Variants in ADAMTS19 observed in about 807,000 individuals in gnomAD.
The protein encoded by ADAMTS19 is ADAM metallopeptidase with thrombospondin type 1 motif 19.
In ADAMTS19, 93 loss-of-function variants were observed where a neutral mutation model predicts 153.3. The observed-to-expected ratio is 0.61, with a 90% CI of 0.51 to 0.72. The LOEUF is 0.72. ADAMTS19 is among the 30% of genes least tolerant of loss of function. The pLI, the probability that ADAMTS19 is intolerant of heterozygous loss-of-function variation, is 0.00. For synonymous variants in ADAMTS19, 600 were observed against 556.6 expected (o/e 1.08, Z -1.10); for missense variants, 1,482 against 1,552.1 (o/e 0.95, Z 0.76).
intron 7 of ADAMTS19, among the ~76,000 whole-genome samples, chr5:129,574,870 T>C (rs1396588989): frequency 6.9e-6 from 1 of 144,692 alleles, no homozygotes; most frequent in Non-Finnish European, 1.5e-5. Context: ...AAAAAAAAAA[T>C]TAACGTGTTT....
At chr5:129,592,863 G>C (rs988668290) in intron 7 of ADAMTS19, among the ~76,000 whole-genome samples, 4 of 152,038 alleles carry the variant, frequency 2.6e-5, no homozygotes, top group African/African-American at 4.8e-5. Context: ...TTGTTCATAT[G>C]AATATATGAT....
chr5:129,711,140 C>G (rs996497896), intron 21 of ADAMTS19, among the ~76,000 whole-genome samples: 2 of 152,118 alleles, frequency 1.3e-5, no homozygotes, highest in Non-Finnish European at 2.9e-5. Flanking sequence ...GAGGGAAACT[C>G]AATCCCTTGT....
intron 3 of ADAMTS19, among the ~76,000 whole-genome samples, chr5:129,522,008 G>A (rs150582222): frequency 1.3e-5 from 2 of 152,060 alleles, no homozygotes; most frequent in African/African-American, 4.8e-5. Flanking sequence ...TATCTAAGTA[G>A]AAGGAGGTGT....
chr5:129,672,646 C>T (rs752346357), intron 16 of ADAMTS19, among the ~76,000 whole-genome samples: 10 of 152,122 alleles, frequency 6.6e-5, no homozygotes, highest in Non-Finnish European at 1.0e-4. Context: ...TCTATATTAA[C>T]CTTAGTACTA....
chr5:129,631,901 T>G (rs2127002079), intron 10 of ADAMTS19, among the ~76,000 whole-genome samples: 1 of 152,192 alleles, frequency 6.6e-6, no homozygotes, highest in South Asian at 2.1e-4. Context: ...TTTAACTCTT[T>G]ATTTCCCTCT....
intron 2 of ADAMTS19, among the ~76,000 whole-genome samples, chr5:129,481,697 GT>G: frequency 6.6e-6 from 1 of 152,094 alleles, no homozygotes. Flanking sequence ...TTAAAGGATT[GT>G]TTTGTAAAAT....
chr5:129,600,389 T>A (rs2126928357), intron 8 of ADAMTS19, among the ~76,000 whole-genome samples: 1 of 152,292 alleles, frequency 6.6e-6, no homozygotes, highest in Admixed American at 6.5e-5. Flanking sequence ...AATAACGAAC[T>A]ATGATACCAT....
chr5:129,647,906 A>T lies in ADAMTS19; in HGVS notation c.2003+11A>T. The T allele has an allele frequency of 6.2e-7, 1 of 1,607,396 alleles. No individual in the cohort carries two copies. The highest frequency in any genetic ancestry group is 8.5e-7 in the Non-Finnish European group (1 of 1,175,410). On this transcript the variant is annotated intron_variant, in intron 12 of 22. Transcript: ENST00000274487. ...GCGCAAATGTCCTGGGTAAACTCAAAGTTCCTGGTTGGGGGAGGGCACTTT... is the reference window on the plus strand; with the variant it reads ...GCGCAAATGTCCTGGGTAAACTCAATGTTCCTGGTTGGGGGAGGGCACTTT...
chr5:129,724,811 A>G (rs931587843), intron 21 of ADAMTS19, among the ~76,000 whole-genome samples: 6 of 152,140 alleles, frequency 3.9e-5, no homozygotes, highest in African/African-American at 1.4e-4. Context: ...GTTTGTTTGC[A>G]TAGCACAGGA....
chr5:129,588,141 T>C (rs1357684320), intron 7 of ADAMTS19, among the ~76,000 whole-genome samples: 1 of 152,162 alleles, frequency 6.6e-6, no homozygotes, highest in Non-Finnish European at 1.5e-5. Context: ...TGGATACGTT[T>C]ACTTCTACAA....
intron 21 of ADAMTS19, among the ~76,000 whole-genome samples, chr5:129,725,851 T>A (rs1054068190): frequency 4.6e-5 from 7 of 152,090 alleles, no homozygotes; most frequent in Non-Finnish European, 1.0e-4. Context: ...TTGGGGGACT[T>A]AGAATTTTAT....
At chr5:129,627,164 T>C (rs528358609) in intron 10 of ADAMTS19, among the ~76,000 whole-genome samples, 1 of 152,140 alleles carries the variant, frequency 6.6e-6, no homozygotes, top group Admixed American at 6.6e-5. Flanking sequence ...TGATACTAAA[T>C]AACAATTGCA....
chr5:129,585,681 G>A (rs1749746385), intron 7 of ADAMTS19, among the ~76,000 whole-genome samples: 1 of 152,050 alleles, frequency 6.6e-6, no homozygotes, highest in Non-Finnish European at 1.5e-5. Context: ...CTTTCTGTCT[G>A]AAGAAACAGT....
At chr5:129,533,102 CA>C (rs541197885) in intron 6 of ADAMTS19, among the ~76,000 whole-genome samples, 83 of 140,916 alleles carry the variant, frequency 5.9e-4, no homozygotes, top group East Asian at 1.4e-3. Flanking sequence ...GACTCCACCA[CA>C]AAAAAAAAAA....
At chr5:129,582,526 T>A (rs62399010) in intron 7 of ADAMTS19, among the ~76,000 whole-genome samples, 14,362 of 152,038 alleles carry the variant, frequency 0.094, 769 homozygotes, top group African/African-American at 0.13. Context: ...AGCATACTGA[T>A]AAGTGTTGAC....
chr5:129,635,036 C>G (rs1422149437), intron 10 of ADAMTS19, among the ~76,000 whole-genome samples: 1 of 151,858 alleles, frequency 6.6e-6, no homozygotes. Flanking sequence ...TAACAAAGAT[C>G]TAATATCCAG....
In ADAMTS19 at chr5:129,735,852, C is replaced by A. The variant is rs576076964; in HGVS notation, c.3490+743C>A. 4.5e-3 allele frequency among the ~76,000 whole-genome samples: 685 copies of A among 152,080 alleles called. 5 individuals are homozygous for A. Among genetic ancestry groups the A allele is most frequent in the African/African-American group, 0.015 (642 of 41,524 alleles). ...TTAGTAGCATTTAACAGCACTCTTG[C>A]CTCATTGTCAGTGGGTTAATTTATA... On this transcript the variant is annotated intron_variant, in intron 22 of 22. Coordinates refer to ENST00000274487, the MANE Select transcript of ADAMTS19 (RefSeq NM_133638.6).
At chr5:129,690,293 C>A (rs192588856) in intron 18 of ADAMTS19, among the ~76,000 whole-genome samples, 40 of 152,312 alleles carry the variant, frequency 2.6e-4, no homozygotes, top group African/African-American at 8.9e-4. Context: ...AGGTGGAAGG[C>A]TTTCTTGGAA....
intron 6 of ADAMTS19, among the ~76,000 whole-genome samples, chr5:129,530,973 T>C (rs1752180200): frequency 1.3e-5 from 2 of 152,098 alleles, no homozygotes; most frequent in Admixed American, 1.3e-4. Flanking sequence ...TCATGTAAAA[T>C]CAGTTTTCAA....
Sources: gnomAD v4.1 joint callset for allele counts (sites outside exome capture counted in the v4.1 genomes callset) on GRCh38, gnomAD v4.1.1 for gene constraint, MANE v1.5 for transcripts, NCBI Gene and HGNC (gene_info 2026-07-23, HGNC 2026-07-21) for gene names.